Variants in PTK2 observed in about 807,000 individuals in gnomAD.
PTK2 encodes the protein protein tyrosine kinase 2, also known as focal adhesion kinase 1.
PTK2 carries 45 observed loss-of-function variants against 150.1 expected under a neutral mutation model. The ratio of observed to expected loss-of-function variants is 0.30; its 90% CI spans 0.24 to 0.38. PTK2 has a LOEUF of 0.38. Among genes scored for constraint, PTK2 ranks in the 10% least tolerant of loss-of-function variants. The probability of loss-of-function intolerance (pLI) is 1.00; values close to 1 mark genes in which losing one functional copy is unlikely to be tolerated. For synonymous variants in PTK2, 432 were observed against 449.2 expected, an observed-to-expected ratio of 0.96 and a Z score of 0.48; for missense variants, 919 against 1,307.3, an observed-to-expected ratio of 0.70 and a Z score of 4.58.
chr8:140,845,584 T>C (rs931345801), intron 7 of PTK2, among the ~76,000 whole-genome samples: 1 of 152,236 alleles, frequency 6.6e-6, no homozygotes, highest in Non-Finnish European at 1.5e-5. Context: ...CTTTAGTTTC[T>C]AGCACATTAT....
intron 1 of PTK2, among the ~76,000 whole-genome samples, chr8:140,983,048 C>A (rs777742668): frequency 1.3e-5 from 2 of 152,114 alleles, no homozygotes; most frequent in Non-Finnish European, 2.9e-5. Context: ...AGTTTTCCAT[C>A]ATCCTTACTA....
chr8:140,706,175 A>C, exon 24 of PTK2: 1 of 1,613,544 alleles, frequency 6.2e-7, no homozygotes, highest in Non-Finnish European at 8.5e-7. Flanking sequence ...CCTTCGCTGG[A>C]CCTCGGACTG....
At chr8:140,794,869 T>A (rs1468493905) in intron 12 of PTK2, among the ~76,000 whole-genome samples, 1 of 152,182 alleles carries the variant, frequency 6.6e-6, no homozygotes, top group Non-Finnish European at 1.5e-5. Flanking sequence ...TCCCCTGACC[T>A]GAACTTGTCT....
intron 27 of PTK2, among the ~76,000 whole-genome samples, chr8:140,685,098 C>T (rs2100019089): frequency 6.6e-6 from 1 of 152,182 alleles, no homozygotes; most frequent in Non-Finnish European, 1.5e-5. Context: ...TTCATACCTA[C>T]AACCATCTCA....
At chr8:140,972,890 A>C (rs1423536557) in intron 1 of PTK2, among the ~76,000 whole-genome samples, 1 of 152,152 alleles carries the variant, frequency 6.6e-6, no homozygotes, top group Non-Finnish European at 1.5e-5. Flanking sequence ...CTTCATTACC[A>C]CCTGTCAAAA....
rs548182791 is a variant in PTK2, at chr8:140,910,040, G to A, written c.-33+15621C>T. Among the ~76,000 whole-genome samples, 5 of 152,096 alleles carry A rather than the reference G, an allele frequency of 3.3e-5. No individual in the cohort carries two copies. In the South Asian group the frequency reaches 1.0e-3, roughly 32 times the overall value. On this transcript the variant is annotated intron_variant, in intron 2 of 31. Coordinates refer to ENST00000522684, the Ensembl canonical transcript of PTK2. ...TTTCTAAACTGAAAATCTATCATGAGTATACAACTCCATTATGAAGTTACA... is the reference window on the plus strand; with the variant it reads ...TTTCTAAACTGAAAATCTATCATGAATATACAACTCCATTATGAAGTTACA...
intron 14 of PTK2, among the ~76,000 whole-genome samples, chr8:140,784,970 C>T (rs530767872): frequency 6.6e-6 from 1 of 152,244 alleles, no homozygotes; most frequent in South Asian, 2.1e-4. Context: ...ATCTTCTCTC[C>T]GGAATGTAAG....
rs115531641 is a variant in PTK2, at chr8:140,778,092, T to C, written c.1177+11382A>G. On this transcript the variant is annotated intron_variant, in intron 14 of 31. Transcript: ENST00000522684. The stretch of plus-strand genomic sequence containing the variant: ...GCCACAATGATTGGCTTGCTGCACG[T>C]TGGGAAAAAAAACTAACAGTAGTAG... 8.9e-3 allele frequency among the ~76,000 whole-genome samples: 1,347 copies of C among 152,102 alleles called. 21 individuals carry two copies. The highest frequency in any genetic ancestry group is 0.03 in the African/African-American group (1,259 of 41,468).
chr8:140,861,559 G>T (rs889938759), intron 5 of PTK2, among the ~76,000 whole-genome samples: 3 of 152,140 alleles, frequency 2.0e-5, no homozygotes, highest in Non-Finnish European at 4.4e-5. Context: ...CTTGTATGGT[G>T]ATATGCAAAT....
chr8:140,828,656 A>T (rs1292375804), intron 8 of PTK2, among the ~76,000 whole-genome samples: 1 of 152,218 alleles, frequency 6.6e-6, no homozygotes, highest in Non-Finnish European at 1.5e-5. Flanking sequence ...ATGTAAATTC[A>T]CTAAAACTGT....
intron 8 of PTK2, among the ~76,000 whole-genome samples, chr8:140,823,316 A>T (rs1254799927): frequency 6.6e-6 from 1 of 152,218 alleles, no homozygotes; most frequent in East Asian, 1.9e-4. Context: ...TCTACTTTGT[A>T]CCTAATTCCC....
intron 1 of PTK2, among the ~76,000 whole-genome samples, chr8:140,998,835 A>T (rs1260915753): frequency 6.6e-6 from 1 of 152,000 alleles, no homozygotes; most frequent in Admixed American, 6.6e-5. Context: ...AAAAAAAAAA[A>T]AACTATTTTC....
At position 140,958,898 on chromosome 8, in the gene PTK2, G is replaced by C. The variant is rs565604820; in HGVS notation, c.-121-33149C>G. ...TCTTTTCATATCTATAAATCCACTTGAAATTATTTTTTATTGTGTGAAGCA... is the reference window on the plus strand; with the variant it reads ...TCTTTTCATATCTATAAATCCACTTCAAATTATTTTTTATTGTGTGAAGCA... On this transcript the variant is annotated intron_variant, in intron 1 of 31. Coordinates refer to ENST00000522684, the Ensembl canonical transcript of PTK2. 2.6e-4 allele frequency among the ~76,000 whole-genome samples: 40 copies of C among 152,130 alleles called. 1 individual carries two copies. In the South Asian group the frequency reaches 8.3e-3, roughly 32 times the overall value.
intron 5 of PTK2, among the ~76,000 whole-genome samples, chr8:140,858,736 G>A (rs1042036409): frequency 5.3e-5 from 8 of 152,130 alleles, no homozygotes; most frequent in African/African-American, 1.7e-4. Flanking sequence ...TAAAAATCTT[G>A]AAATAATGGC....
chr8:140,992,710 A>G (rs1378280715), intron 1 of PTK2, among the ~76,000 whole-genome samples: 2 of 152,222 alleles, frequency 1.3e-5, no homozygotes, highest in Non-Finnish European at 2.9e-5. Context: ...ATTCACTGAG[A>G]GGCAAACTGC....
chr8:140,743,150 G>T (rs1288945192), intron 20 of PTK2, 80 bp downstream of exon 23: 1 of 894,332 alleles, frequency 1.1e-6, no homozygotes, highest in Non-Finnish European at 1.8e-6. Flanking sequence ...AAGATCAGGT[G>T]AGCATATTAG....
intron 12 of PTK2, among the ~76,000 whole-genome samples, chr8:140,796,384 T>TA (rs1180201386): frequency 2.0e-5 from 3 of 152,112 alleles, no homozygotes; most frequent in African/African-American, 4.8e-5. Context: ...TCCTGATAGT[T>TA]ACGTTTATTA....
chr8:140,814,242 C>G (rs1370905248), intron 10 of PTK2, among the ~76,000 whole-genome samples: 2 of 152,138 alleles, frequency 1.3e-5, no homozygotes, highest in African/African-American at 2.4e-5. Context: ...TGAGCTGGTA[C>G]CATTCTTACT....
At chr8:140,662,346 T>A (rs2081659757) in intron 31 of PTK2, among the ~76,000 whole-genome samples, 1 of 152,052 alleles carries the variant, frequency 6.6e-6, no homozygotes, top group Non-Finnish European at 1.5e-5. Context: ...GGAGAGCAAT[T>A]TGTGTATTGG....
Sources: gnomAD v4.1 joint callset for allele counts (sites outside exome capture counted in the v4.1 genomes callset) on GRCh38, gnomAD v4.1.1 for gene constraint, MANE v1.5 for transcripts, NCBI Gene and HGNC (gene_info 2026-07-23, HGNC 2026-07-21) for gene names.